Variants in MECOM observed in about 807,000 individuals in gnomAD.
The protein encoded by MECOM is MDS1 and EVI1 complex locus.
A neutral mutation model predicts 116.3 loss-of-function variants in MECOM; 13 were observed. The observed-to-expected ratio is 0.11, with a 90% CI of 0.07 to 0.18. MECOM has a LOEUF of 0.18. MECOM is among the 10% of genes least tolerant of loss of function. MECOM has a pLI of 1.00. For missense variants in MECOM, 1,299 were observed against 1,509.0 expected, an observed-to-expected ratio of 0.86 and a Z score of 2.31; for synonymous variants, 528 against 535.2, an observed-to-expected ratio of 0.99 and a Z score of 0.19.
intron 1 of MECOM, among the ~76,000 whole-genome samples, chr3:169,491,510 T>A (rs561236004): frequency 6.6e-6 from 1 of 152,248 alleles, no homozygotes; most frequent in East Asian, 1.9e-4. Context: ...AGAATAATAA[T>A]CTCACAATAA....
chr3:169,520,971 G>A lies in MECOM; in HGVS notation c.38-139447C>T, dbSNP rs572370370. On this transcript the variant is annotated intron_variant, in intron 1 of 16. Coordinates refer to ENST00000651503, the MANE Select transcript of MECOM (RefSeq NM_004991.4). ...AATCACCCAATTTTTTTGAGTTGCT[G>A]TGAAATTAAAGCATATACACAAGGT... Among the ~76,000 whole-genome samples the A allele has an allele frequency of 3.3e-5, 5 of 152,318 alleles. No homozygotes were observed. In the East Asian group the frequency reaches 9.6e-4, roughly 29 times the overall value.
chr3:169,273,963 G>A (rs1288242378), intron 2 of MECOM, among the ~76,000 whole-genome samples: 1 of 148,020 alleles, frequency 6.8e-6, no homozygotes, highest in Middle Eastern at 3.2e-3. Flanking sequence ...CCAGGCTGGA[G>A]TGCAGTGGTA....
chr3:169,172,372 G>A (rs1744549528), intron 2 of MECOM, among the ~76,000 whole-genome samples: 1 of 149,278 alleles, frequency 6.7e-6, no homozygotes, highest in Admixed American at 6.7e-5. Flanking sequence ...TGTATCACAG[G>A]TTTTCACTTC....
intron 8 of MECOM, among the ~76,000 whole-genome samples, chr3:169,114,743 G>C (rs1423978702): frequency 6.6e-6 from 1 of 152,024 alleles, no homozygotes; most frequent in African/African-American, 2.4e-5. Flanking sequence ...TGCCAAAAAG[G>C]CCTTTTATTA....
intron 1 of MECOM, among the ~76,000 whole-genome samples, chr3:169,532,293 G>C (rs1965031): frequency 0.14 from 20,538 of 152,030 alleles, 3,504 homozygotes; most frequent in African/African-American, 0.41. Flanking sequence ...GCTGGCCCAG[G>C]GATCACGCTT....
chr3:169,617,340 G>A (rs1482152201), intron 1 of MECOM, among the ~76,000 whole-genome samples: 1 of 152,318 alleles, frequency 6.6e-6, no homozygotes, highest in African/African-American at 2.4e-5. Context: ...CCCAGAAGGA[G>A]TCTTGACCTG....
At chr3:169,262,090 G>A (rs554808191) in intron 2 of MECOM, among the ~76,000 whole-genome samples, 3 of 152,132 alleles carry the variant, frequency 2.0e-5, no homozygotes, top group African/African-American at 4.8e-5. Flanking sequence ...TAATGGACAC[G>A]AGCCAAGAAA....
At chr3:169,525,182 T>G (rs1757819922) in intron 1 of MECOM, among the ~76,000 whole-genome samples, 1 of 152,226 alleles carries the variant, frequency 6.6e-6, no homozygotes, top group South Asian at 2.1e-4. Flanking sequence ...AATAATTGCC[T>G]ATGAAAACTG....
chr3:169,492,281 G>C (rs933594296), intron 1 of MECOM, among the ~76,000 whole-genome samples: 1 of 152,180 alleles, frequency 6.6e-6, no homozygotes, highest in Non-Finnish European at 1.5e-5. Context: ...CGACCTAGTT[G>C]ACCAACTCAA....
intron 12 of MECOM, among the ~76,000 whole-genome samples, chr3:169,095,999 A>G (rs142354037): frequency 6.6e-6 from 1 of 151,988 alleles, no homozygotes; most frequent in South Asian, 2.1e-4. Context: ...GAAAGCACTT[A>G]TTATTGGTTG....
chr3:169,164,923 G>A (rs1461212519), intron 2 of MECOM, among the ~76,000 whole-genome samples: 3 of 152,190 alleles, frequency 2.0e-5, no homozygotes, highest in South Asian at 2.1e-4. Context: ...CATCCTGGGT[G>A]GATGACACTG....
chr3:169,542,071 A>G (rs1399444168), intron 1 of MECOM, among the ~76,000 whole-genome samples: 1 of 152,234 alleles, frequency 6.6e-6, no homozygotes, highest in Non-Finnish European at 1.5e-5. Context: ...TGGCCACAGA[A>G]TATAATGTAT....
chr3:169,638,461 C>T (rs536485451), intron 1 of MECOM, among the ~76,000 whole-genome samples: 4 of 152,294 alleles, frequency 2.6e-5, no homozygotes, highest in African/African-American at 9.6e-5. Context: ...AAGCACCCTA[C>T]CTCACATCCC....
chr3:169,331,228 C>T (rs1304100941), intron 2 of MECOM, among the ~76,000 whole-genome samples: 1 of 151,798 alleles, frequency 6.6e-6, no homozygotes, highest in Admixed American at 6.6e-5. Context: ...TTGTCATTGG[C>T]CATACAGTTA....
chr3:169,634,176 G>A (rs1247365833), intron 1 of MECOM, among the ~76,000 whole-genome samples: 4 of 151,932 alleles, frequency 2.6e-5, no homozygotes, highest in South Asian at 2.1e-4. Flanking sequence ...AACAAATATA[G>A]TCATCAAGCT....
intron 2 of MECOM, among the ~76,000 whole-genome samples, chr3:169,308,850 T>TGAG: frequency 6.6e-6 from 1 of 152,342 alleles, no homozygotes; most frequent in African/African-American, 2.4e-5. Flanking sequence ...CACGTCTTCC[T>TGAG]TCTCATCCTG....
intron 2 of MECOM, among the ~76,000 whole-genome samples, chr3:169,329,401 G>A (rs1560138705): frequency 6.6e-6 from 1 of 152,172 alleles, no homozygotes; most frequent in African/African-American, 2.4e-5. Context: ...CAAAGAAGAA[G>A]TCTCAAAATG....
chr3:169,517,575 C>T (rs975148483), intron 1 of MECOM, among the ~76,000 whole-genome samples: 12 of 152,158 alleles, frequency 7.9e-5, no homozygotes, highest in African/African-American at 2.7e-4. Context: ...CTCTTCAACT[C>T]AGCCTAAAAC....
intron 1 of MECOM, among the ~76,000 whole-genome samples, chr3:169,542,156 T>C (rs1337457578): frequency 6.6e-6 from 1 of 152,222 alleles, no homozygotes; most frequent in Non-Finnish European, 1.5e-5. Flanking sequence ...TAAAACGCAT[T>C]GAAAGTTTTC....
Sources: gnomAD v4.1 joint callset for allele counts (sites outside exome capture counted in the v4.1 genomes callset) on GRCh38, gnomAD v4.1.1 for gene constraint, MANE v1.5 for transcripts, NCBI Gene and HGNC (gene_info 2026-07-23, HGNC 2026-07-21) for gene names.